Variants in DDAH1 observed in about 807,000 individuals in gnomAD.
The protein encoded by DDAH1 is N(G),N(G)-dimethylarginine dimethylaminohydrolase 1.
In DDAH1, 19 loss-of-function variants were observed where a neutral mutation model predicts 28.8. That is an observed-to-expected ratio of 0.66 (90% confidence interval 0.46 to 0.97). DDAH1 has a LOEUF of 0.97. Among genes scored for constraint, DDAH1 ranks in the 50% least tolerant of loss-of-function variants. The probability of loss-of-function intolerance (pLI) is 0.00; values close to 1 mark genes in which losing one functional copy is unlikely to be tolerated. For missense variants in DDAH1, 326 were observed against 375.9 expected (o/e 0.87, Z 1.10); for synonymous variants, 153 against 154.4 (o/e 0.99, Z 0.07).
intron 1 of DDAH1, among the ~76,000 whole-genome samples, chr1:85,502,957 A>G (rs922409832): frequency 2.6e-5 from 4 of 152,120 alleles, no homozygotes; most frequent in African/African-American, 9.7e-5. Flanking sequence ...CTCACTATCC[A>G]TAGCTACCAG....
intron 2 of DDAH1, among the ~76,000 whole-genome samples, chr1:85,480,934 T>C (rs888624212): frequency 6.6e-6 from 1 of 151,862 alleles, no homozygotes; most frequent in Non-Finnish European, 1.5e-5. Flanking sequence ...TAATGACATA[T>C]ATAGGAGAAA....
chr1:85,438,417 T>C (rs933882785), intron 1 of DDAH1, among the ~76,000 whole-genome samples: 3 of 152,218 alleles, frequency 2.0e-5, no homozygotes, highest in Non-Finnish European at 4.4e-5. Flanking sequence ...AGGGTGAAAT[T>C]TGCTCAAGAA....
chr1:85,475,978 A>C (rs1056842737), intron 2 of DDAH1, among the ~76,000 whole-genome samples: 1 of 152,138 alleles, frequency 6.6e-6, no homozygotes, highest in African/African-American at 2.4e-5. Context: ...TAGTCTCCTG[A>C]GTAGCTGGGA....
chr1:85,484,033 T>G (rs1322694512), intron 2 of DDAH1, among the ~76,000 whole-genome samples: 1 of 152,096 alleles, frequency 6.6e-6, no homozygotes, highest in East Asian at 1.9e-4. Context: ...TTAAAGAATA[T>G]CAAGAAGTAT....
intron 1 of DDAH1, among the ~76,000 whole-genome samples, chr1:85,533,221 A>G: frequency 6.6e-6 from 1 of 152,238 alleles, no homozygotes; most frequent in Non-Finnish European, 1.5e-5. Flanking sequence ...AAATCTCTTT[A>G]TATACTAAAA....
chr1:85,458,903 C>T (rs906739604), intron 1 of DDAH1, among the ~76,000 whole-genome samples: 31 of 152,192 alleles, frequency 2.0e-4, no homozygotes, highest in African/African-American at 6.0e-4. Flanking sequence ...CCTTGATAAG[C>T]AGGAAGGAAC....
intron 4 of DDAH1, among the ~76,000 whole-genome samples, chr1:85,337,414 A>G (rs1217554031): frequency 1.3e-5 from 2 of 152,130 alleles, no homozygotes; most frequent in African/African-American, 4.8e-5. Context: ...TCCATTTAAA[A>G]CTGTAATTTT....
intron 1 of DDAH1, among the ~76,000 whole-genome samples, chr1:85,552,699 GA>G (rs1415564716): frequency 6.6e-6 from 1 of 152,202 alleles, no homozygotes; most frequent in Non-Finnish European, 1.5e-5. Flanking sequence ...AGGGAGACCA[GA>G]AGGGAGGAAG....
chr1:85,381,228 CAAA>C (rs35851797), intron 1 of DDAH1, among the ~76,000 whole-genome samples: 3 of 127,370 alleles, frequency 2.4e-5, no homozygotes, highest in Non-Finnish European at 1.7e-5. Context: ...AAACTCCATC[CAAA>C]AAAAAAAAAA....
intron 1 of DDAH1, among the ~76,000 whole-genome samples, chr1:85,519,026 G>A (rs1438436146): frequency 6.6e-6 from 1 of 150,772 alleles, no homozygotes; most frequent in African/African-American, 2.4e-5. Context: ...AGTAAGCTAT[G>A]GAAGAGTGCA....
chr1:85,359,643 C>T (rs575558131), intron 1 of DDAH1, among the ~76,000 whole-genome samples: 1 of 152,318 alleles, frequency 6.6e-6, no homozygotes, highest in African/African-American at 2.4e-5. Flanking sequence ...ACATCCTTTG[C>T]TTCTCTGTAA....
intron 5 of DDAH1, among the ~76,000 whole-genome samples, chr1:85,321,806 C>T (rs945180122): frequency 4.6e-5 from 7 of 152,248 alleles, no homozygotes; most frequent in African/African-American, 1.7e-4. Flanking sequence ...TGTGGTTTTG[C>T]TAGAGATGCC....
chr1:85,523,809 C>G lies in DDAH1; in HGVS notation c.-122-27528G>C, dbSNP rs1428759448. 3.3e-5 allele frequency among the ~76,000 whole-genome samples: 5 copies of G among 152,308 alleles called. No individual in the cohort carries two copies. The East Asian group carries it at 7.7e-4, about 23-fold the overall frequency. ...ATAACAAGCATGTCATTTATAGGAA[C>G]TGGGTTCAGGAGTAAAGCTGCTATT... is the stretch of plus-strand genomic sequence containing the variant. On this transcript the variant is annotated intron_variant, in intron 1 of 6. Coordinates refer to the DDAH1 transcript ENST00000426972.
chr1:85,384,150 T>C (rs1320497752), intron 1 of DDAH1, among the ~76,000 whole-genome samples: 2 of 152,228 alleles, frequency 1.3e-5, no homozygotes, highest in African/African-American at 2.4e-5. Context: ...TTCTGGCTTT[T>C]AGGAATATAA....
intron 1 of DDAH1, among the ~76,000 whole-genome samples, chr1:85,568,794 G>A (rs1200758005): frequency 6.6e-6 from 1 of 152,122 alleles, no homozygotes. Flanking sequence ...GCTTTATGGA[G>A]GAAGCTCTGG....
chr1:85,434,159 TTTA>T lies in DDAH1; in HGVS notation c.303+30581_303+30583del, dbSNP rs139676549. 6.2e-3 allele frequency among the ~76,000 whole-genome samples: 938 copies of T among 152,202 alleles called. 13 individuals carry two copies. Among genetic ancestry groups the T allele is most frequent in the African/African-American group, 0.021 (860 of 41,496 alleles). ...CTTAAAATCACCTGTTTCTCATTGT[TTTA>T]TTATTACTTTATAGTTATTATATTT... On this transcript the variant is annotated intron_variant, in intron 1 of 5. Transcript: ENST00000284031.
Position 85,351,487 on chromosome 1 carries a change from T to A in DDAH1, c.477+19A>T. 1 of 1,607,294 alleles carries A rather than the reference T, an allele frequency of 6.2e-7. No individual in the cohort carries two copies. The highest frequency in any genetic ancestry group is 1.1e-5 in the South Asian group (1 of 90,954). ...TTAAGTAATTGCTTTGTGCCAGGCA[T>A]AAACTACCTTTTACCTACCTTAAAA... is the stretch of plus-strand genomic sequence containing the variant. On this transcript the variant is annotated intron_variant, in intron 3 of 5. Coordinates refer to ENST00000284031, the MANE Select transcript of DDAH1 (RefSeq NM_012137.4).
chr1:85,330,246 G>C (rs1647677870), intron 4 of DDAH1, among the ~76,000 whole-genome samples: 1 of 152,174 alleles, frequency 6.6e-6, no homozygotes, highest in Non-Finnish European at 1.5e-5. Context: ...CTGTCTGGTA[G>C]GGTATCACCT....
intron 2 of DDAH1, 25 bp downstream of exon 2, chr1:85,358,723 A>T (rs1335796996): frequency 1.4e-6 from 2 of 1,441,756 alleles, no homozygotes; most frequent in East Asian, 2.3e-5. Context: ...ATATTCTTGG[A>T]TAGAAAAAAT....
Sources: allele counts gnomAD v4.1 joint callset (sites outside exome capture counted in the v4.1 genomes callset), GRCh38; gene constraint gnomAD v4.1.1; transcripts MANE v1.5; gene names NCBI Gene and HGNC (gene_info 2026-07-23, HGNC 2026-07-21).